FREM2: variants seen among roughly 807,000 people sequenced by gnomAD.
The protein encoded by FREM2 is FRAS1 related extracellular matrix 2.
FREM2 carries 119 observed loss-of-function variants against 219.9 expected under a neutral mutation model. The observed-to-expected ratio is 0.54, with a 90% CI of 0.47 to 0.63. The LOEUF is 0.63. Among genes scored for constraint, FREM2 ranks in the 30% least tolerant of loss-of-function variants. The pLI is 0.00. For synonymous variants in FREM2, 1,562 were observed against 1,522.8 expected, an observed-to-expected ratio of 1.03 and a Z score of -0.60; for missense variants, 4,030 against 3,993.6, an observed-to-expected ratio of 1.01 and a Z score of -0.25.
chr13:38,750,148 G>C (rs2137792387), intron 2 of FREM2, among the ~76,000 whole-genome samples: 1 of 152,276 alleles, frequency 6.6e-6, no homozygotes, highest in Middle Eastern at 3.4e-3. Flanking sequence ...TAATCAAAAT[G>C]AATGGACTCT....
intron 6 of FREM2, among the ~76,000 whole-genome samples, chr13:38,830,892 G>A (rs1475833740): frequency 1.3e-5 from 2 of 152,160 alleles, no homozygotes; most frequent in East Asian, 1.9e-4. Context: ...GAAGGGTGAC[G>A]ACTGATTCTC....
Position 38,689,080 on chromosome 13 carries a change from T to C in FREM2, c.1736T>C (p.Ile579Thr). The C allele has an allele frequency of 6.2e-7, 1 of 1,613,810 alleles. No individual in the cohort carries two copies. The highest frequency in any genetic ancestry group is 1.1e-5 in the South Asian group (1 of 91,076). Residue 579 changes from isoleucine (I) to threonine (T), a missense_variant, in exon 1 of 24, where the codon ATC (isoleucine) becomes ACC (threonine). Ile to Thr is a moderately conservative substitution (Grantham distance 89). Transcript: ENST00000280481. ...LTLAEGETVP[I>T]LPLSLSATDM... ...CTGGCAGAGGGTGAAACAGTGCCCA[T>C]CCTGCCCCTTTCCCTGAGTGCAACT...
In FREM2 at chr13:38,689,173, T is replaced by G. The variant is rs1869667770; in HGVS notation, c.1829T>G (p.Leu610Arg). The change falls in exon 1 of 24, where the codon CTG (leucine) becomes CGG (arginine). Residue 610 changes from leucine to arginine, a missense_variant. Leu to Arg is a moderately radical substitution (Grantham distance 102, BLOSUM62 -2). Transcript: ENST00000280481. The stretch of plus-strand genomic sequence containing the variant: ...TCACCCTTCTTAACTACGGGGCATC[T>G]GCTTCTCCGCCAAACTCACCCTCCC... ...LESPFLTTGH[L>R]LLRQTHPPHE... 6.2e-7 allele frequency: 1 copy of G among 1,613,968 alleles called. No individual in the cohort carries two copies. The highest frequency in any genetic ancestry group is 8.5e-7 in the Non-Finnish European group (1 of 1,180,024).
At chr13:38,731,938 C>G (rs184668004) in intron 2 of FREM2, among the ~76,000 whole-genome samples, 2 of 152,270 alleles carry the variant, frequency 1.3e-5, no homozygotes, top group Admixed American at 6.5e-5. Flanking sequence ...GAATGAACAG[C>G]ATTTGATACC....
intron 16 of FREM2, among the ~76,000 whole-genome samples, chr13:38,868,108 C>T (rs549604338): frequency 8.4e-4 from 128 of 152,302 alleles, no homozygotes; most frequent in African/African-American, 2.9e-3. Flanking sequence ...TTGATAGTCT[C>T]CTACACCCTC....
chr13:38,881,703 A>C lies in FREM2; in HGVS notation c.*916A>C, dbSNP rs1878556192. 6.6e-6 allele frequency: 1 copy of C among 152,668 alleles called. No homozygotes were observed. The highest frequency in any genetic ancestry group is 2.4e-5 in the African/African-American group (1 of 41,458). 9.5% of individuals were successfully genotyped at this position (152,668 alleles called of 1,614,324 possible). On this transcript the variant is annotated 3_prime_UTR_variant, in exon 24 of 24. Coordinates refer to ENST00000280481, the MANE Select transcript of FREM2 (RefSeq NM_207361.6). ...CAGTATTGAACCCATAAATGATAAT[A>C]AGAAACATTGTTACAGATGGTGAAG...
intron 2 of FREM2, among the ~76,000 whole-genome samples, chr13:38,749,287 C>G (rs997949463): frequency 6.6e-6 from 1 of 152,158 alleles, no homozygotes. Context: ...AAATTACTGG[C>G]TCAACTACTT....
chr13:38,769,867 C>T, intron 4 of FREM2, 59 bp downstream of exon 4: 1 of 1,197,820 alleles, frequency 8.3e-7, no homozygotes, highest in East Asian at 2.3e-5. Context: ...GACAAAATAC[C>T]TTGTAGGGGT....
intron 6 of FREM2, among the ~76,000 whole-genome samples, chr13:38,831,063 T>A (rs1352189447): frequency 6.6e-6 from 1 of 152,178 alleles, no homozygotes; most frequent in African/African-American, 2.4e-5. Context: ...AACAGTTTTA[T>A]ATACAATAGT....
intron 6 of FREM2, among the ~76,000 whole-genome samples, chr13:38,796,460 G>A (rs1410423216): frequency 6.6e-6 from 1 of 152,030 alleles, no homozygotes; most frequent in Non-Finnish European, 1.5e-5. Context: ...CAGATAATGG[G>A]GAAGTTCCCC....
intron 2 of FREM2, among the ~76,000 whole-genome samples, chr13:38,733,138 A>G (rs755653749): frequency 2.0e-5 from 3 of 152,180 alleles, no homozygotes; most frequent in South Asian, 2.1e-4. Flanking sequence ...TTGCAGATCT[A>G]TACTAAACTG....
intron 6 of FREM2, among the ~76,000 whole-genome samples, chr13:38,843,406 A>G (rs1404371161): frequency 6.6e-6 from 1 of 152,028 alleles, no homozygotes; most frequent in African/African-American, 2.4e-5. Context: ...TCTTCAGTTT[A>G]CTTATTTTCT....
rs116442664 is a variant in FREM2 at position 38,878,525 on chromosome 13, A to T, written c.8859+204A>T. ...AGACCCCATCTCTACAAAAAATTTT[A>T]AAAAATTAGCCGAGCATCGTGGCAC... is the stretch of plus-strand genomic sequence containing the variant. On this transcript the variant is annotated intron_variant, in intron 22 of 23. Coordinates refer to ENST00000280481, the MANE Select transcript of FREM2 (RefSeq NM_207361.6). Among the ~76,000 whole-genome samples, 1,391 of 151,580 alleles carry T rather than the reference A, an allele frequency of 9.2e-3. 19 individuals carry two copies. Among genetic ancestry groups the T allele is most frequent in the African/African-American group, 0.032 (1,309 of 41,430 alleles).
At chr13:38,822,073 A>G (rs1248205229) in intron 6 of FREM2, 2 of 152,182 alleles carry the variant, frequency 1.3e-5, no homozygotes, top group African/African-American at 2.4e-5. Context: ...TTACAGTACA[A>G]TTCAGCAGTT....
intron 6 of FREM2, among the ~76,000 whole-genome samples, chr13:38,799,951 A>G (rs1874947446): frequency 6.6e-6 from 1 of 152,170 alleles, no homozygotes; most frequent in Non-Finnish European, 1.5e-5. Flanking sequence ...CAAGTGGAGA[A>G]TTTAATCAAT....
chr13:38,793,992 C>T (rs750029485), intron 6 of FREM2, among the ~76,000 whole-genome samples: 4 of 152,132 alleles, frequency 2.6e-5, no homozygotes, highest in Non-Finnish European at 5.9e-5. Flanking sequence ...GAAAGAAATG[C>T]CTGCTTGACT....
At chr13:38,779,081 A>G (rs1406264540) in intron 4 of FREM2, among the ~76,000 whole-genome samples, 1 of 152,090 alleles carries the variant, frequency 6.6e-6, no homozygotes, top group Non-Finnish European at 1.5e-5. Flanking sequence ...TTTTACTAAA[A>G]CTCATCTTAA....
At chr13:38,870,573 T>G (rs955233122) in intron 16 of FREM2, among the ~76,000 whole-genome samples, 1 of 152,220 alleles carries the variant, frequency 6.6e-6, no homozygotes, top group African/African-American at 2.4e-5. Context: ...ACTCTTCACT[T>G]TTGAAGAAGG....
At chr13:38,808,068 T>C (rs1260236425) in intron 6 of FREM2, among the ~76,000 whole-genome samples, 1 of 151,998 alleles carries the variant, frequency 6.6e-6, no homozygotes, top group Non-Finnish European at 1.5e-5. Context: ...TTGCTACAGC[T>C]TCTACGTCAG....
Sources: allele counts gnomAD v4.1 joint callset (sites outside exome capture counted in the v4.1 genomes callset), GRCh38; gene constraint gnomAD v4.1.1; transcripts MANE v1.5; gene names NCBI Gene and HGNC (gene_info 2026-07-23, HGNC 2026-07-21).